Variants in CTPS2 observed in about 807,000 individuals in gnomAD.
CTPS2 encodes the protein CTP synthase 2.
A neutral mutation model predicts 46.8 loss-of-function variants in CTPS2; 19 were observed. The observed-to-expected ratio is 0.41, with a 90% CI of 0.28 to 0.60. The LOEUF (loss-of-function observed/expected upper bound fraction) is 0.60. CTPS2 is among the 20% of genes least tolerant of loss of function. CTPS2 has a pLI of 0.35. For synonymous variants in CTPS2, 151 were observed against 165.2 expected, an observed-to-expected ratio of 0.91 and a Z score of 0.66; for missense variants, 286 against 447.6, an observed-to-expected ratio of 0.64 and a Z score of 3.26.
chrX:16,655,115 T>C (rs1295722440), intron 13 of CTPS2, among the ~76,000 whole-genome samples: 2 of 111,269 alleles, frequency 1.8e-5, no homozygotes, highest in Non-Finnish European at 3.8e-5. Flanking sequence ...GATCTCACAC[T>C]ATCCACTAGC....
At chrX:16,661,340 T>A (rs749979635) in intron 13 of CTPS2, among the ~76,000 whole-genome samples, 2 of 112,108 alleles carry the variant, frequency 1.8e-5, no homozygotes, top group Non-Finnish European at 1.9e-5. Flanking sequence ...TTCTATATGA[T>A]CTTTGTAATA....
intron 17 of CTPS2, among the ~76,000 whole-genome samples, chrX:16,607,892 C>A (rs189354474): frequency 8.8e-6 from 1 of 113,154 alleles, no homozygotes; most frequent in East Asian, 2.8e-4. Flanking sequence ...GAAAAATAAA[C>A]TCTCCCCAAA....
chrX:16,647,706 T>C (rs1023889261), intron 13 of CTPS2, among the ~76,000 whole-genome samples: 16 of 111,527 alleles, frequency 1.4e-4, no homozygotes, highest in Admixed American at 1.2e-3. Flanking sequence ...ATGTAATATA[T>C]GGGTGTATTA....
rs138094755 is a variant in CTPS2 at position 16,675,161 on chromosome X, G to A, written c.1094+3201C>T. The stretch of plus-strand genomic sequence containing the variant: ...CGGGTGCCTGTAATCCCAGCTACTC[G>A]GGAGGATGGAGCAGGAGAATTGCTT... On this transcript the variant is annotated intron_variant, in intron 10 of 18. Coordinates refer to ENST00000359276, the MANE Select transcript of CTPS2 (RefSeq NM_175859.3). 5.5e-3 allele frequency among the ~76,000 whole-genome samples: 601 copies of A among 109,837 alleles called. 4 individuals are homozygous for A. The highest frequency in any genetic ancestry group is 0.019 in the African/African-American group (562 of 30,153).
chrX:16,610,297 GATA>G (rs745796107), intron 16 of CTPS2, among the ~76,000 whole-genome samples: 1 of 110,991 alleles, frequency 9.0e-6, no homozygotes, highest in South Asian at 3.8e-4. Flanking sequence ...TCAAACTAAA[GATA>G]ATAAAATATA....
At chrX:16,598,547 G>C (rs956417770) in intron 17 of CTPS2, among the ~76,000 whole-genome samples, 1 of 111,812 alleles carries the variant, frequency 8.9e-6, no homozygotes, top group African/African-American at 3.2e-5. Context: ...AACAGGAGCT[G>C]AAATTGTGGC....
chrX:16,650,787 A>G (rs1008162299), intron 13 of CTPS2, among the ~76,000 whole-genome samples: 1 of 110,629 alleles, frequency 9.0e-6, no homozygotes, highest in African/African-American at 3.3e-5. Context: ...CTGGGATTAC[A>G]GGCATGAGCT....
intron 13 of CTPS2, among the ~76,000 whole-genome samples, chrX:16,641,680 G>A (rs1932088050): frequency 8.9e-6 from 1 of 112,317 alleles, no homozygotes; most frequent in Non-Finnish European, 1.9e-5. Context: ...AGGTTGCAGT[G>A]AGCTATGATC....
chrX:16,650,812 A>C (rs1379344415), intron 13 of CTPS2, among the ~76,000 whole-genome samples: 1 of 110,348 alleles, frequency 9.1e-6, no homozygotes, highest in Admixed American at 9.7e-5. Context: ...TGCCTGGCCT[A>C]AGATGCTTAT....
intron 13 of CTPS2, among the ~76,000 whole-genome samples, chrX:16,653,314 C>T (rs1569213275): frequency 1.8e-5 from 2 of 111,535 alleles, no homozygotes; most frequent in South Asian, 3.8e-4. Flanking sequence ...AGCCTGCACA[C>T]GATCTCACAC....
At chrX:16,593,511 G>A (rs1314417691) in intron 17 of CTPS2, among the ~76,000 whole-genome samples, 5 of 102,435 alleles carry the variant, frequency 4.9e-5, no homozygotes, top group African/African-American at 1.8e-4. Context: ...GGGAACAATT[G>A]GAGAAACCCT....
intron 3 of CTPS2, among the ~76,000 whole-genome samples, chrX:16,698,675 C>T (rs1395782331): frequency 9.0e-6 from 1 of 110,628 alleles, no homozygotes; most frequent in East Asian, 2.8e-4. Flanking sequence ...CTCAGCCTCC[C>T]GAATAGCTGG....
At position 16,694,636 on chromosome X, in the gene CTPS2, G is replaced by C. The variant is rs146739117; in HGVS notation, c.439-1149C>G. ...TTAGTTTAGTAGTCGGGCCAGGACAGAAAGGTCCTGAAATTCAATATAAGC... is the reference window on the plus strand; with the variant it reads ...TTAGTTTAGTAGTCGGGCCAGGACACAAAGGTCCTGAAATTCAATATAAGC... On this transcript the variant is annotated intron_variant, in intron 4 of 18. Coordinates refer to ENST00000359276, the MANE Select transcript of CTPS2 (RefSeq NM_175859.3). 4.2e-3 allele frequency among the ~76,000 whole-genome samples: 472 copies of C among 112,649 alleles called. 2 individuals are homozygous for C. Among genetic ancestry groups the C allele is most frequent in the African/African-American group, 0.014 (451 of 31,114 alleles).
chrX:16,659,618 A>C (rs1372119985), intron 13 of CTPS2, among the ~76,000 whole-genome samples: 1 of 82,461 alleles, frequency 1.2e-5, no homozygotes, highest in African/African-American at 5.1e-5. Flanking sequence ...TAGGAGTCAC[A>C]GAATGACAAA....
intron 13 of CTPS2, among the ~76,000 whole-genome samples, chrX:16,648,724 A>G (rs774524319): frequency 2.7e-5 from 3 of 112,689 alleles, no homozygotes; most frequent in Non-Finnish European, 5.6e-5. Context: ...CAAAGAATCC[A>G]TAATAAAAAC....
At chrX:16,633,294 C>T (rs1170733866) in intron 14 of CTPS2, among the ~76,000 whole-genome samples, 3 of 109,983 alleles carry the variant, frequency 2.7e-5, no homozygotes, top group Non-Finnish European at 5.7e-5. Context: ...CACTATGTTG[C>T]CCAGGCTGAA....
chrX:16,647,835 A>T (rs1380812096), intron 13 of CTPS2, among the ~76,000 whole-genome samples: 2 of 111,533 alleles, frequency 1.8e-5, no homozygotes, highest in Non-Finnish European at 3.8e-5. Flanking sequence ...TAATCCCAGC[A>T]GTTTGGGAGA....
intron 16 of CTPS2, among the ~76,000 whole-genome samples, chrX:16,612,563 C>T (rs1930314748): frequency 8.9e-6 from 1 of 112,135 alleles, no homozygotes; most frequent in Non-Finnish European, 1.9e-5. Flanking sequence ...AATTTTCTGC[C>T]TTCTCACATG....
At chrX:16,656,473 C>A (rs1231261166) in intron 13 of CTPS2, among the ~76,000 whole-genome samples, 5 of 108,721 alleles carry the variant, frequency 4.6e-5, no homozygotes, top group Non-Finnish European at 7.7e-5. Context: ...GCAGTGGCGC[C>A]ATCTCGGCTC....
Sources: gnomAD v4.1 joint callset for allele counts (sites outside exome capture counted in the v4.1 genomes callset) on GRCh38, gnomAD v4.1.1 for gene constraint, MANE v1.5 for transcripts, NCBI Gene and HGNC (gene_info 2026-07-23, HGNC 2026-07-21) for gene names.